The following BCAS3 variants were observed in gnomAD, a reference collection of about 807,000 sequenced individuals.
The protein encoded by BCAS3 is BCAS4/BCAS3 fusion.
BCAS3 carries 53 observed loss-of-function variants against 116.1 expected under a neutral mutation model. The ratio of observed to expected loss-of-function variants is 0.46; its 90% CI spans 0.37 to 0.57. The LOEUF (loss-of-function observed/expected upper bound fraction) is 0.57. BCAS3 is among the 20% of genes least tolerant of loss of function. BCAS3 has a pLI of 0.00. For synonymous variants in BCAS3, 391 were observed against 408.2 expected (o/e 0.96, Z 0.51); for missense variants, 917 against 1,165.4 (o/e 0.79, Z 3.10).
rs1406258927 is a variant in BCAS3, at chr17:61,366,711, C to T, written c.2426-1616C>T. ...CCTGACAAGCTGATCCCAAGCAACC[C>T]ACTCCTAAGGTGGGCCTCTTCTTGG... On this transcript the variant is annotated intron_variant, in intron 22 of 23. Coordinates refer to ENST00000407086, the MANE Select transcript of BCAS3 (RefSeq NM_017679.5). The surrounding 1 kb of genome is among the most constrained non-coding windows in gnomAD (Gnocchi z 4.5). Among the ~76,000 whole-genome samples the T allele has an allele frequency of 6.6e-6, 1 of 152,208 alleles. No homozygotes were observed. Among genetic ancestry groups the T allele is most frequent in the Non-Finnish European group, 1.5e-5 (1 of 68,042 alleles).
chr17:61,044,459 A>AT (rs1216601834), intron 19 of BCAS3, among the ~76,000 whole-genome samples: 3 of 128,790 alleles, frequency 2.3e-5, no homozygotes, highest in Non-Finnish European at 4.5e-5. Context: ...AAAAAAAAAA[A>AT]AAAAAAATAT....
rs2072937398 is a variant in BCAS3 at position 61,084,719 on chromosome 17, C to G, written c.2425+155C>G. On this transcript the variant is annotated intron_variant, in intron 22 of 23. Coordinates refer to ENST00000407086, the MANE Select transcript of BCAS3 (RefSeq NM_017679.5). The surrounding 1 kb of genome is among the most constrained non-coding windows in gnomAD (Gnocchi z 5.5). ...TTAATACAGTACTGTGCCTATATTT[C>G]TTGCTGAACAATGCCATGCTTTTAA... 6.6e-6 allele frequency among the ~76,000 whole-genome samples: 1 copy of G among 152,158 alleles called. No homozygotes were observed. Among genetic ancestry groups the G allele is most frequent in the African/African-American group, 2.4e-5 (1 of 41,436 alleles).
intron 22 of BCAS3, among the ~76,000 whole-genome samples, chr17:61,147,762 G>A (rs928229230): frequency 7.9e-5 from 12 of 152,030 alleles, no homozygotes; most frequent in South Asian, 4.1e-4. Context: ...CGAGGTGGGC[G>A]GGTCACCTGA....
rs961608629 is a variant in BCAS3 at position 61,346,002 on chromosome 17, C to T, written c.2426-22325C>T. 5.9e-5 allele frequency among the ~76,000 whole-genome samples: 9 copies of T among 152,096 alleles called. No individual in the cohort carries two copies. Among genetic ancestry groups the T allele is most frequent in the South Asian group, 2.1e-4 (1 of 4,828 alleles). On this transcript the variant is annotated intron_variant, in intron 22 of 23. Transcript: ENST00000407086. The surrounding 1 kb of genome is among the most constrained non-coding windows in gnomAD (Gnocchi z 5.4). ...AGTGAAGGTGAAGGTCGTTGGTGTG[C>T]GGACTGGAGGTCAGTGAATTTAAGG...
At chr17:60,847,928 A>G (rs1352971736) in intron 7 of BCAS3, among the ~76,000 whole-genome samples, 1 of 152,224 alleles carries the variant, frequency 6.6e-6, no homozygotes, top group African/African-American at 2.4e-5. Flanking sequence ...ATTCAAGGTC[A>G]GGAAGATTTA....
Position 61,243,801 on chromosome 17 carries a change from TA to T in BCAS3, c.2426-124523del, listed in dbSNP as rs1305788676. ...AGGGATGAGTGTTTTGGTTCTTTCC[TA>T]AAGAGTTGGAATCTGCTCTGTCAAC... On this transcript the variant is annotated intron_variant, in intron 22 of 23. Coordinates refer to ENST00000407086, the MANE Select transcript of BCAS3 (RefSeq NM_017679.5). This position sits in a 1 kb window ranked among gnomAD's most constrained non-coding sequence, Gnocchi z 5.6. Among the ~76,000 whole-genome samples, 1 of 152,206 alleles carries T rather than the reference TA, an allele frequency of 6.6e-6. No individual in the cohort carries two copies. Among genetic ancestry groups the T allele is most frequent in the Non-Finnish European group, 1.5e-5 (1 of 68,024 alleles).
chr17:61,107,562 A>G (rs949929686), intron 22 of BCAS3, among the ~76,000 whole-genome samples: 1 of 152,128 alleles, frequency 6.6e-6, no homozygotes, highest in Non-Finnish European at 1.5e-5. Context: ...ATTCATCTCT[A>G]TAATTTTGTC....
rs970365134 is a variant in BCAS3, at chr17:61,043,536, T to TTG, written c.2029+2646_2029+2647dup. On this transcript the variant is annotated intron_variant, in intron 19 of 23. Coordinates refer to ENST00000407086, the MANE Select transcript of BCAS3 (RefSeq NM_017679.5). ...GCCTGGGGCCATTGCCTGTGTGGAG[T>TTG]TGTCACGTTCTCCCCATGTCTGTGT... Among the ~76,000 whole-genome samples, 65 of 151,868 alleles carry TTG rather than the reference T, an allele frequency of 4.3e-4. 1 individual carries two copies. The highest frequency in any genetic ancestry group is 1.5e-3 in the African/African-American group (61 of 41,370).
At chr17:61,342,102 C>T (rs546680095) in intron 22 of BCAS3, among the ~76,000 whole-genome samples, 1 of 152,192 alleles carries the variant, frequency 6.6e-6, no homozygotes, top group African/African-American at 2.4e-5. Flanking sequence ...CCTCAGGGTT[C>T]AAGCAATTCT....
At chr17:61,158,142 T>C (rs2077970138) in intron 22 of BCAS3, among the ~76,000 whole-genome samples, 1 of 152,188 alleles carries the variant, frequency 6.6e-6, no homozygotes, top group Admixed American at 6.5e-5. Context: ...TCAAGTTTTA[T>C]TTAATCATGG....
At chr17:60,957,233 C>T (rs2061179815) in intron 14 of BCAS3, among the ~76,000 whole-genome samples, 1 of 152,136 alleles carries the variant, frequency 6.6e-6, no homozygotes, top group African/African-American at 2.4e-5. Flanking sequence ...GTTAATTTTA[C>T]CATTCTAGAA....
chr17:60,810,558 G>T, intron 7 of BCAS3: 1 of 859,740 alleles, frequency 1.2e-6, no homozygotes, highest in South Asian at 1.3e-5. Context: ...ATTACTTCAA[G>T]ACCATCGAGG....
In BCAS3 at chr17:61,352,037, AT is replaced by A. The variant is rs576070718; in HGVS notation, c.2426-16283del. The stretch of plus-strand genomic sequence containing the variant: ...AAACACTGCTTTTACTTCTTTACCT[AT>A]TTTTTTCCCCAATCTGAGGGATACA... On this transcript the variant is annotated intron_variant, in intron 22 of 23. Coordinates refer to ENST00000407086, the MANE Select transcript of BCAS3 (RefSeq NM_017679.5). This position sits in a 1 kb window ranked among gnomAD's most constrained non-coding sequence, Gnocchi z 4.7. 4.5e-3 allele frequency among the ~76,000 whole-genome samples: 677 copies of A among 152,092 alleles called. 4 individuals are homozygous for A. Among genetic ancestry groups the A allele is most frequent in the African/African-American group, 0.015 (633 of 41,496 alleles).
chr17:61,390,530 G>A lies in BCAS3; in HGVS notation c.2594-1447G>A, dbSNP rs1453479909. ...AGTGAACTGTCCCACCGAGACCCCG[G>A]CGACAGACTCGGCTGATGGATCCCA... is the stretch of plus-strand genomic sequence containing the variant. On this transcript the variant is annotated intron_variant, in intron 23 of 23. Transcript: ENST00000407086. This position sits in a 1 kb window ranked among gnomAD's most constrained non-coding sequence, Gnocchi z 6.8. 1 of 152,076 alleles carries A rather than the reference G, an allele frequency of 6.6e-6. No individual in the cohort carries two copies. The highest frequency in any genetic ancestry group is 6.6e-5 in the Admixed American group (1 of 15,262). The allele number at this position is 152,076 out of a possible 1,614,324, so 9.4% of individuals were successfully genotyped here.
intron 5 of BCAS3, among the ~76,000 whole-genome samples, chr17:60,727,014 G>A (rs2039948493): frequency 6.6e-6 from 1 of 151,936 alleles, no homozygotes; most frequent in South Asian, 2.1e-4. Flanking sequence ...ACTAGGTCAA[G>A]TTCTTTAACA....
Position 61,374,919 on chromosome 17 carries a change from G to A in BCAS3, c.2593+6425G>A, listed in dbSNP as rs181015654. ...AATACATTGGTGAATGGCAATCTGC[G>A]CTTTGAAAATCAATGCTCTAGCTTG... On this transcript the variant is annotated intron_variant, in intron 23 of 23. Transcript: ENST00000407086. Among the ~76,000 whole-genome samples the A allele has an allele frequency of 3.4e-3, 517 of 152,286 alleles. 2 individuals carry two copies. The highest frequency in any genetic ancestry group is 0.012 in the African/African-American group (496 of 41,560).
chr17:60,907,075 A>G (rs1212702478), intron 11 of BCAS3, among the ~76,000 whole-genome samples: 1 of 152,138 alleles, frequency 6.6e-6, no homozygotes, highest in Admixed American at 6.5e-5. Flanking sequence ...TATTCATTGC[A>G]TATGTACTTG....
intron 11 of BCAS3, among the ~76,000 whole-genome samples, chr17:60,903,322 A>G (rs117752456): frequency 4.3e-4 from 65 of 152,336 alleles, no homozygotes; most frequent in Non-Finnish European, 2.5e-4. Flanking sequence ...CAAAGGTCAC[A>G]CTGTTTTATG....
intron 22 of BCAS3, among the ~76,000 whole-genome samples, chr17:61,119,058 G>C (rs2075647812): frequency 6.6e-6 from 1 of 152,196 alleles, no homozygotes; most frequent in African/African-American, 2.4e-5. Flanking sequence ...AAGGCTGACA[G>C]TTAAGTGATG....
Sources: allele counts gnomAD v4.1 joint callset (sites outside exome capture counted in the v4.1 genomes callset), GRCh38; gene constraint gnomAD v4.1.1; non-coding constraint Gnocchi (gnomAD v3.1); transcripts MANE v1.5; gene names NCBI Gene and HGNC (gene_info 2026-07-23, HGNC 2026-07-21).